LMO7: variants seen among roughly 807,000 people sequenced by gnomAD.
LMO7 encodes LIM domain 7.
LMO7 carries 120 observed loss-of-function variants against 206.5 expected under a neutral mutation model. The ratio of observed to expected loss-of-function variants is 0.58; its 90% CI spans 0.50 to 0.68. The LOEUF (loss-of-function observed/expected upper bound fraction) is 0.68. Ranked by LOEUF, LMO7 falls within the 30% of genes least tolerant of loss-of-function variation. The pLI is 0.00. For missense variants in LMO7, 1,959 were observed against 1,957.9 expected (o/e 1.00, Z -0.01); for synonymous variants, 706 against 681.5 (o/e 1.04, Z -0.56).
chr13:75,694,356 A>G (rs1291244528), intron 1 of LMO7, among the ~76,000 whole-genome samples: 2 of 152,220 alleles, frequency 1.3e-5, no homozygotes, highest in Non-Finnish European at 2.9e-5. Context: ...TTCAGGTGTG[A>G]GAATGAAGGG....
At chr13:75,708,635 C>T (rs1311352019) in intron 1 of LMO7, among the ~76,000 whole-genome samples, 1 of 152,176 alleles carries the variant, frequency 6.6e-6, no homozygotes, top group African/African-American at 2.4e-5. Flanking sequence ...GAGATCTGCA[C>T]TCCCCTTGAG....
intron 2 of LMO7, among the ~76,000 whole-genome samples, chr13:75,724,937 A>C (rs907414119): frequency 1.3e-5 from 2 of 152,078 alleles, no homozygotes; most frequent in Non-Finnish European, 2.9e-5. Context: ...TTGCACATGT[A>C]CTTGAAGGTT....
chr13:75,796,912 C>G (rs1381744527), intron 6 of LMO7, among the ~76,000 whole-genome samples, 163 bp downstream of exon 6: 4 of 152,192 alleles, frequency 2.6e-5, no homozygotes, highest in Non-Finnish European at 5.9e-5. Context: ...GAATGTTACT[C>G]ATTTACTGGC....
At position 75,807,592 on chromosome 13, in the gene LMO7, A is replaced by G; in HGVS notation, c.1309A>G (p.Asn437Asp). The G allele has an allele frequency of 6.2e-7, 1 of 1,613,988 alleles. No homozygotes were observed. The highest frequency in any genetic ancestry group is 1.6e-4 in the Middle Eastern group (1 of 6,062). Reference sequence around the variant, plus strand: ...CCCAAGGCTCATAACCCGCAGGAAGAATCTCTCTTATGCACCAGGCTATAG... The same window carrying G: ...CCCAAGGCTCATAACCCGCAGGAAGGATCTCTCTTATGCACCAGGCTATAG... ...SGPRLITRRK[N>D]LSYAPGYRRD... Residue 437 changes from asparagine (N) to aspartate (D), a missense_variant, in exon 10 of 31, where the codon AAT becomes GAT. Physicochemically the swap from Asn to Asp is conservative, Grantham distance 23 (BLOSUM62 1). Transcript: ENST00000377534.
intron 20 of LMO7, chr13:75,838,433 C>G: frequency 3.2e-6 from 1 of 311,310 alleles, no homozygotes; most frequent in Non-Finnish European, 4.4e-6. Flanking sequence ...AAACATTTTA[C>G]TTTTTTTTTT....
At position 75,793,630 on chromosome 13, in the gene LMO7, G is replaced by T. The variant is rs150617621; in HGVS notation, c.318-1771G>T. Among the ~76,000 whole-genome samples the T allele has an allele frequency of 6.6e-4, 100 of 152,292 alleles. No homozygotes were observed. The East Asian group carries it at 0.016, about 24-fold the overall frequency. On this transcript the variant is annotated intron_variant, in intron 4 of 30. Coordinates refer to ENST00000377534, the MANE Select transcript of LMO7 (RefSeq NM_001306080.2). ...CTTTTTACTCAAGAGTTAAGCTATG[G>T]TTTGAGCACATGGGCTGTGGAATTT...
chr13:75,701,650 AG>A (rs1204412495), intron 1 of LMO7, among the ~76,000 whole-genome samples: 3 of 152,186 alleles, frequency 2.0e-5, no homozygotes, highest in African/African-American at 7.2e-5. Flanking sequence ...TCCTTAATCT[AG>A]AAAAAAATAA....
At position 75,804,540 on chromosome 13, in the gene LMO7, A is replaced by G; in HGVS notation, c.913A>G (p.Ser305Gly). The G allele has an allele frequency of 6.2e-7, 1 of 1,612,606 alleles. No homozygotes were observed. Among genetic ancestry groups the G allele is most frequent in the Non-Finnish European group, 8.5e-7 (1 of 1,179,226 alleles). The change falls in exon 8 of 31, where the codon AGT becomes GGT. Residue 305 changes from serine to glycine, a missense_variant and splice_region_variant. By Grantham distance (56) the Ser-to-Gly change is moderately conservative. Coordinates refer to ENST00000377534, the MANE Select transcript of LMO7 (RefSeq NM_001306080.2). ...VYTEADGTFS[S>G]NQRRIWGTNV... ...TACAGAAGCAGATGGAACATTTTCA[A>G]GGTACTGAGATGGGTGTGATTATTG...
At chr13:75,805,976 C>T (rs1401745990) in intron 9 of LMO7, 11 of 1,109,990 alleles carry the variant, frequency 9.9e-6, no homozygotes, top group East Asian at 2.9e-5. Flanking sequence ...AGTCATAGCA[C>T]GGCATTATTT....
chr13:75,723,361 T>TAATTA (rs1594529152), intron 2 of LMO7, among the ~76,000 whole-genome samples: 1 of 151,496 alleles, frequency 6.6e-6, no homozygotes, highest in East Asian at 2.0e-4. Flanking sequence ...TGTGAATGAC[T>TAATTA]AATAAATCAC....
chr13:75,732,971 C>A (rs899712086), intron 3 of LMO7, among the ~76,000 whole-genome samples: 2 of 152,150 alleles, frequency 1.3e-5, no homozygotes, highest in African/African-American at 4.8e-5. Context: ...GCTGTCTGAT[C>A]GTTCCTCTGG....
At chr13:75,796,837 C>T in intron 6 of LMO7, 88 bp downstream of exon 6, 2 of 827,126 alleles carry the variant, frequency 2.4e-6, no homozygotes, top group Admixed American at 2.1e-5. Flanking sequence ...TTCTCCTTCT[C>T]CTCTATAACA....
intron 4 of LMO7, among the ~76,000 whole-genome samples, chr13:75,776,639 A>G: frequency 6.6e-6 from 1 of 152,208 alleles, no homozygotes; most frequent in Admixed American, 6.5e-5. Flanking sequence ...ATAGTGTAAA[A>G]AAGTTATTAG....
intron 3 of LMO7, among the ~76,000 whole-genome samples, chr13:75,733,963 G>C (rs2045549479): frequency 6.6e-6 from 1 of 152,220 alleles, no homozygotes; most frequent in Non-Finnish European, 1.5e-5. Flanking sequence ...TGCACCAGTT[G>C]TTATGTTTCT....
intron 1 of LMO7, among the ~76,000 whole-genome samples, chr13:75,707,495 GC>G (rs1805947328): frequency 6.6e-6 from 1 of 151,774 alleles, no homozygotes; most frequent in South Asian, 2.1e-4. Flanking sequence ...TGTAATTGTT[GC>G]TATTTATTCT....
intron 1 of LMO7, among the ~76,000 whole-genome samples, chr13:75,700,863 A>T (rs1225217261): frequency 6.6e-6 from 1 of 152,208 alleles, no homozygotes; most frequent in Non-Finnish European, 1.5e-5. Flanking sequence ...TTTATTTCTG[A>T]AATCTTCCTT....
intron 1 of LMO7, among the ~76,000 whole-genome samples, chr13:75,698,772 T>G (rs1014455372): frequency 2.6e-5 from 4 of 152,142 alleles, no homozygotes. Context: ...AATGCACAAA[T>G]GTCTCAGTGT....
At chr13:75,741,109 T>G (rs965721402) in intron 3 of LMO7, among the ~76,000 whole-genome samples, 1 of 152,220 alleles carries the variant, frequency 6.6e-6, no homozygotes, top group Non-Finnish European at 1.5e-5. Flanking sequence ...TTAAAACTGC[T>G]AAATTGTGGT....
At position 75,846,963 on chromosome 13, in the gene LMO7, A is replaced by T. The variant is rs547022733; in HGVS notation, c.4150+1584A>T. 4.7e-5 allele frequency among the ~76,000 whole-genome samples: 7 copies of T among 150,504 alleles called. No individual in the cohort carries two copies. In the South Asian group the frequency reaches 1.5e-3, roughly 32 times the overall value. ...GGAGAATTGCTTGAACCCGGGAGGCAGAGGTTGCAGTGAGCCGAGATCGCT... is the reference window on the plus strand; with the variant it reads ...GGAGAATTGCTTGAACCCGGGAGGCTGAGGTTGCAGTGAGCCGAGATCGCT... On this transcript the variant is annotated intron_variant, in intron 26 of 30. Coordinates refer to ENST00000377534, the MANE Select transcript of LMO7 (RefSeq NM_001306080.2).
Sources: gnomAD v4.1 joint callset for allele counts (sites outside exome capture counted in the v4.1 genomes callset) on GRCh38, gnomAD v4.1.1 for gene constraint, MANE v1.5 for transcripts, NCBI Gene and HGNC (gene_info 2026-07-23, HGNC 2026-07-21) for gene names.